The following CCDC192 variants were observed in gnomAD, a reference collection of about 807,000 sequenced individuals.
CCDC192 encodes coiled-coil domain-containing protein 192.
At chr5:127,895,366 C>T (rs904114433) in intron 6 of CCDC192, among the ~76,000 whole-genome samples, 5 of 152,186 alleles carry the variant, frequency 3.3e-5, no homozygotes, top group East Asian at 1.9e-4. Context: ...GAAAAGCCAA[C>T]GCCCAGAGAG....
At chr5:127,868,793 A>C (rs532147297) in intron 5 of CCDC192, among the ~76,000 whole-genome samples, 1 of 152,134 alleles carries the variant, frequency 6.6e-6, no homozygotes, top group Non-Finnish European at 1.5e-5. Context: ...GTCAAAAAAA[A>C]AAAGAGAGAA....
intron 5 of CCDC192, among the ~76,000 whole-genome samples, chr5:127,837,940 A>G (rs1034254385): frequency 2.6e-4 from 39 of 150,636 alleles, no homozygotes; most frequent in Middle Eastern, 6.8e-3. Context: ...GTGAGCTGAG[A>G]TTGCACCACT....
At chr5:127,790,473 T>C (rs1756804474) in intron 3 of CCDC192, among the ~76,000 whole-genome samples, 1 of 152,192 alleles carries the variant, frequency 6.6e-6, no homozygotes, top group Non-Finnish European at 1.5e-5. Context: ...AACATTAATA[T>C]TTTTCTTCTA....
At chr5:127,734,094 A>T (rs1159398272) in intron 2 of CCDC192, among the ~76,000 whole-genome samples, 1 of 97,242 alleles carries the variant, frequency 1.0e-5, no homozygotes, top group Non-Finnish European at 1.9e-5. Flanking sequence ...ACCCCACAAC[A>T]GTCCCCAGAG....
At chr5:127,922,561 A>C (rs1753750697) in intron 6 of CCDC192, among the ~76,000 whole-genome samples, 1 of 152,226 alleles carries the variant, frequency 6.6e-6, no homozygotes, top group Non-Finnish European at 1.5e-5. Flanking sequence ...CAACATGGCA[A>C]AACCCCATCT....
chr5:127,926,584 T>C (rs145024861), intron 6 of CCDC192, among the ~76,000 whole-genome samples: 1 of 152,140 alleles, frequency 6.6e-6, no homozygotes, highest in East Asian at 1.9e-4. Flanking sequence ...CAACAGAACT[T>C]TGTGAAAAGA....
At chr5:127,803,714 A>G (rs181529428) in intron 5 of CCDC192, among the ~76,000 whole-genome samples, 3 of 152,052 alleles carry the variant, frequency 2.0e-5, no homozygotes, top group African/African-American at 7.2e-5. Flanking sequence ...CGGCCATCCC[A>G]TCTCTCAGTT....
At chr5:127,850,969 AAAC>A (rs939435725) in intron 5 of CCDC192, among the ~76,000 whole-genome samples, 2 of 152,030 alleles carry the variant, frequency 1.3e-5, no homozygotes, top group South Asian at 2.1e-4. Context: ...CCATCTTGAA[AAAC>A]AACAACAACA....
In CCDC192 at chr5:127,813,350, A is replaced by T. The variant is rs547731561; in HGVS notation, c.411+15188A>T. On this transcript the variant is annotated intron_variant, in intron 5 of 6. Coordinates refer to ENST00000514853, the MANE Select transcript of CCDC192 (RefSeq NM_001317938.2). ...AATTTTTGAAAATTTAAACAAGTAA[A>T]TTTTTGTATAGTTTCCTAAAAATCA... 2.7e-4 allele frequency among the ~76,000 whole-genome samples: 41 copies of T among 152,288 alleles called. No individual in the cohort carries two copies. The East Asian group carries it at 7.5e-3, about 28-fold the overall frequency.
intron 3 of CCDC192, among the ~76,000 whole-genome samples, chr5:127,757,784 A>ACACACACG (rs1192402092): frequency 2.1e-4 from 20 of 94,954 alleles, no homozygotes; most frequent in African/African-American, 6.8e-4. Flanking sequence ...ACACACACAC[A>ACACACACG]CACACACACA....
intron 6 of CCDC192, among the ~76,000 whole-genome samples, chr5:127,889,450 G>A (rs920094378): frequency 2.9e-4 from 43 of 148,656 alleles, no homozygotes; most frequent in African/African-American, 9.4e-4. Context: ...TCCCCAGGCT[G>A]GAGTGCAGTG....
In CCDC192 at chr5:127,844,434, C is replaced by T. The variant is rs79475317; in HGVS notation, c.412-31104C>T. On this transcript the variant is annotated intron_variant, in intron 5 of 6. Transcript: ENST00000514853. ...ATTTGACAAAGACTACAAAGCCAAC[C>T]ATCACAATAACAGAGCTGAGTAGAA... Among the ~76,000 whole-genome samples the T allele has an allele frequency of 1.6e-4, 24 of 152,268 alleles. No homozygotes were observed. The East Asian group carries it at 4.2e-3, about 27-fold the overall frequency.
intron 3 of CCDC192, among the ~76,000 whole-genome samples, chr5:127,759,561 A>C (rs1408488053): frequency 6.6e-6 from 1 of 152,170 alleles, no homozygotes; most frequent in Non-Finnish European, 1.5e-5. Context: ...AAAGAAAGAA[A>C]TTCCCATTGT....
At chr5:127,720,380 C>T (rs1266056328) in intron 2 of CCDC192, among the ~76,000 whole-genome samples, 1 of 152,218 alleles carries the variant, frequency 6.6e-6, no homozygotes, top group Non-Finnish European at 1.5e-5. Flanking sequence ...ATCCTGGCAA[C>T]ACTGATGAAA....
chr5:127,714,296 C>T (rs248732), intron 2 of CCDC192, among the ~76,000 whole-genome samples: 56,869 of 152,086 alleles, frequency 0.37, 11,240 homozygotes, highest in East Asian at 0.65. Context: ...AGTGCTGCAA[C>T]AAACATGAGT....
intron 1 of CCDC192, among the ~76,000 whole-genome samples, chr5:127,704,626 A>G (rs1750856195): frequency 6.6e-6 from 1 of 152,174 alleles, no homozygotes; most frequent in Non-Finnish European, 1.5e-5. Context: ...AATGTTGTTT[A>G]TTTGTGCAAA....
intron 6 of CCDC192, among the ~76,000 whole-genome samples, chr5:127,896,579 G>A (rs552177781): frequency 6.6e-6 from 1 of 152,074 alleles, no homozygotes; most frequent in South Asian, 2.1e-4. Flanking sequence ...GGCTACAGGT[G>A]TGCACCACCA....
At position 127,727,013 on chromosome 5, in the gene CCDC192, C is replaced by T. The variant is rs555512099; in HGVS notation, c.114+19253C>T. Among the ~76,000 whole-genome samples the T allele has an allele frequency of 2.0e-3, 311 of 152,320 alleles. 1 individual carries two copies. The highest frequency in any genetic ancestry group is 7.1e-3 in the African/African-American group (296 of 41,584). ...CATTCCTGCTGGCATCAGGTTGGTG[C>T]CCCTCTGGGACAGAGCTCCCAGAGG... On this transcript the variant is annotated intron_variant, in intron 2 of 6. Transcript: ENST00000514853.
intron 3 of CCDC192, among the ~76,000 whole-genome samples, chr5:127,760,713 A>G (rs1020376707): frequency 6.6e-6 from 1 of 150,902 alleles, no homozygotes; most frequent in African/African-American, 2.4e-5. Context: ...AAAAAAAAAA[A>G]AAAAAAAAAA....
Sources: allele counts gnomAD v4.1 joint callset (sites outside exome capture counted in the v4.1 genomes callset), GRCh38; gene constraint gnomAD v4.1.1; transcripts MANE v1.5; gene names NCBI Gene and HGNC (gene_info 2026-07-23, HGNC 2026-07-21).